Variants in SLC8A1 observed in about 807,000 individuals in gnomAD.
The protein encoded by SLC8A1 is solute carrier family 8 member A1.
SLC8A1 carries 18 observed loss-of-function variants against 68.3 expected under a neutral mutation model. That is an observed-to-expected ratio of 0.26 (90% CI 0.18 to 0.39). SLC8A1 has a LOEUF of 0.39. Ranked by LOEUF, SLC8A1 falls within the 10% of genes least tolerant of loss-of-function variation. SLC8A1 has a pLI of 1.00. For synonymous variants in SLC8A1, 475 were observed against 415.5 expected (o/e 1.14, Z -1.74); for missense variants, 985 against 1,156.7 (o/e 0.85, Z 2.15).
rs544503507 is a variant in SLC8A1 at position 40,250,796 on chromosome 2, GT to G, written c.1809-72942del. On this transcript the variant is annotated intron_variant, in intron 2 of 7. Coordinates refer to ENST00000406785, the Ensembl canonical transcript of SLC8A1. ...GGGTTTGGGGAAAGGCAAATGGGAT[GT>G]TTTCCCAGTGTACTTTAGCACAATA... Among the ~76,000 whole-genome samples the G allele has an allele frequency of 4.6e-5, 7 of 152,248 alleles. No individual in the cohort carries two copies. The South Asian group carries it at 1.5e-3, about 32-fold the overall frequency.
At chr2:40,490,064 A>G (rs1705214923) in intron 1 of SLC8A1, among the ~76,000 whole-genome samples, 1 of 152,082 alleles carries the variant, frequency 6.6e-6, no homozygotes, top group Non-Finnish European at 1.5e-5. Flanking sequence ...ACTCCTGACA[A>G]TTTCAATGAC....
intron 2 of SLC8A1, among the ~76,000 whole-genome samples, chr2:40,355,097 T>A (rs1365444787): frequency 6.6e-6 from 1 of 152,162 alleles, no homozygotes. Flanking sequence ...TTGCAAGAAC[T>A]GAAAAAGCCT....
chr2:40,360,233 T>C (rs914555542), intron 2 of SLC8A1, among the ~76,000 whole-genome samples: 3 of 152,120 alleles, frequency 2.0e-5, no homozygotes, highest in Non-Finnish European at 2.9e-5. Flanking sequence ...CAGCATATGC[T>C]AGGCACTCCG....
At chr2:40,282,698 G>A (rs935550243) in intron 2 of SLC8A1, among the ~76,000 whole-genome samples, 1 of 152,104 alleles carries the variant, frequency 6.6e-6, no homozygotes, top group Non-Finnish European at 1.5e-5. Context: ...ATTCTTGCAG[G>A]AAATAATTGC....
intron 2 of SLC8A1, among the ~76,000 whole-genome samples, chr2:40,328,651 T>C (rs2076096511): frequency 6.6e-6 from 1 of 152,202 alleles, no homozygotes. Context: ...ACTCTTTCTG[T>C]GGTCTCTAGA....
intron 1 of SLC8A1, among the ~76,000 whole-genome samples, chr2:40,478,881 C>G (rs1033366158): frequency 6.6e-6 from 1 of 151,950 alleles, no homozygotes; most frequent in Admixed American, 6.6e-5. Context: ...AAGCAATTCT[C>G]ATGCCTCAGC....
At chr2:40,364,267 A>C (rs1675384912) in intron 2 of SLC8A1, among the ~76,000 whole-genome samples, 3 of 152,210 alleles carry the variant, frequency 2.0e-5, no homozygotes, top group African/African-American at 7.2e-5. Context: ...TAGAGAAACA[A>C]AACAATTTAG....
intron 1 of SLC8A1, among the ~76,000 whole-genome samples, chr2:40,498,010 G>T (rs1006160939): frequency 2.0e-5 from 3 of 151,994 alleles, no homozygotes; most frequent in African/African-American, 7.2e-5. Context: ...CATTCAGGAG[G>T]TATGAACTAT....
chr2:40,447,325 C>A (rs1352393599), intron 1 of SLC8A1, among the ~76,000 whole-genome samples: 1 of 152,046 alleles, frequency 6.6e-6, no homozygotes, highest in Non-Finnish European at 1.5e-5. Flanking sequence ...AAGAAAGTAT[C>A]AAATTTGTAT....
At chr2:40,460,466 C>T (rs1413068545) in intron 1 of SLC8A1, among the ~76,000 whole-genome samples, 1 of 152,108 alleles carries the variant, frequency 6.6e-6, no homozygotes, top group Non-Finnish European at 1.5e-5. Flanking sequence ...GGAGTGACTA[C>T]TCCATTCAGA....
At chr2:40,215,552 G>A in intron 2 of SLC8A1, among the ~76,000 whole-genome samples, 1 of 147,284 alleles carries the variant, frequency 6.8e-6, no homozygotes, top group Non-Finnish European at 1.5e-5. Context: ...CAGGAGAATG[G>A]CGTGAACCCG....
At chr2:40,196,279 G>C (rs1473712671) in intron 2 of SLC8A1, among the ~76,000 whole-genome samples, 3 of 151,958 alleles carry the variant, frequency 2.0e-5, no homozygotes, top group Non-Finnish European at 4.4e-5. Context: ...CACATGGTAG[G>C]GGCAGTTGTA....
intron 2 of SLC8A1, among the ~76,000 whole-genome samples, chr2:40,219,821 A>ATGAGATTGCTTGAAAAATG (rs1166849551): frequency 2.3e-4 from 6 of 25,638 alleles, no homozygotes; most frequent in Non-Finnish European, 5.3e-4. Flanking sequence ...TTTGCTATGC[A>ATGAGATTGCTTGAAAAATG]TGAGATTGCT....
At chr2:40,361,887 C>CTTTTTTTTTATTTTTTTTTTTTTTT (rs1674735582) in intron 2 of SLC8A1, among the ~76,000 whole-genome samples, 1 of 53,104 alleles carries the variant, frequency 1.9e-5, no homozygotes, top group Non-Finnish European at 3.3e-5. Flanking sequence ...CTTTTCTTTC[C>CTTTTTTTTTATTTTTTTTTTTTTTT]TTTTTTTTTT....
intron 2 of SLC8A1, among the ~76,000 whole-genome samples, chr2:40,200,727 C>G (rs1013403142): frequency 5.9e-5 from 9 of 151,832 alleles, no homozygotes; most frequent in Non-Finnish European, 1.0e-4. Context: ...GTCACCATAA[C>G]TCTTAAACTA....
At chr2:40,337,710 G>A (rs1352668946) in intron 2 of SLC8A1, among the ~76,000 whole-genome samples, 1 of 151,834 alleles carries the variant, frequency 6.6e-6, no homozygotes, top group African/African-American at 2.4e-5. Context: ...TCCTACTTAT[G>A]TCCCTAGGAA....
intron 2 of SLC8A1, among the ~76,000 whole-genome samples, chr2:40,335,289 A>G (rs73929419): frequency 0.015 from 2,286 of 152,332 alleles, 52 homozygotes; most frequent in African/African-American, 0.051. Context: ...CAATGTGCTC[A>G]TATATTTTTC....
At chr2:40,264,469 G>C (rs1476643620) in intron 2 of SLC8A1, among the ~76,000 whole-genome samples, 2 of 152,108 alleles carry the variant, frequency 1.3e-5, no homozygotes, top group Admixed American at 6.5e-5. Context: ...AACAATGATA[G>C]ACTGGATTAA....
chr2:40,238,843 C>T (rs2060811674), intron 2 of SLC8A1, among the ~76,000 whole-genome samples: 1 of 151,874 alleles, frequency 6.6e-6, no homozygotes, highest in South Asian at 2.1e-4. Context: ...CCATTTTCTC[C>T]TGAAAGTAAC....
Sources: allele counts gnomAD v4.1 joint callset (sites outside exome capture counted in the v4.1 genomes callset), GRCh38; gene constraint gnomAD v4.1.1; transcripts MANE v1.5; gene names NCBI Gene and HGNC (gene_info 2026-07-23, HGNC 2026-07-21).